The following GARIN5A variants were observed in gnomAD, a reference collection of about 807,000 sequenced individuals.
GARIN5A encodes the protein golgi associated RAB2 interactor 5A.
chr19:50,471,860 ATGTGTATATGTATGCATACATG>A, the GARIN5A span, among the ~76,000 whole-genome samples: 6 of 150,260 alleles, frequency 4.0e-5, no homozygotes, highest in African/African-American at 7.5e-5. Flanking sequence ...GCATACATAC[ATGTGTATATGTATGCATACATG>A]TGTGTATATG....
At chr19:50,471,754 A>ATG in the GARIN5A span, among the ~76,000 whole-genome samples, 1 of 79,664 alleles carries the variant, frequency 1.3e-5, no homozygotes, top group Non-Finnish European at 2.4e-5. Context: ...GCATACATGC[A>ATG]TGTGTATACG....
the GARIN5A span, among the ~76,000 whole-genome samples, chr19:50,472,260 T>C: frequency 2.9e-5 from 2 of 67,900 alleles, no homozygotes; most frequent in African/African-American, 1.2e-4. Context: ...TACATGTATG[T>C]GTGTATATAT....
the GARIN5A span, chr19:50,476,740 A>G: frequency 1.1e-6 from 1 of 890,320 alleles, no homozygotes; most frequent in South Asian, 1.8e-5. Flanking sequence ...TACAGACGGA[A>G]GGAGGCTGCG....
At chr19:50,476,644 A>G in the GARIN5A span, 1 of 1,539,064 alleles carries the variant, frequency 6.5e-7, no homozygotes, top group East Asian at 2.4e-5. Flanking sequence ...CCGGGCCGGG[A>G]CTGGTGCGCG....
At chr19:50,469,091 G>C in the GARIN5A span, among the ~76,000 whole-genome samples, 1 of 152,082 alleles carries the variant, frequency 6.6e-6, no homozygotes, top group African/African-American at 2.4e-5. Flanking sequence ...TGGCTCAACA[G>C]GAATAAACAC....
the GARIN5A span, among the ~76,000 whole-genome samples, chr19:50,471,080 T>G: frequency 6.6e-6 from 1 of 152,086 alleles, no homozygotes; most frequent in Non-Finnish European, 1.5e-5. Context: ...TCCTCCCACC[T>G]CAGCCTCCTA....
chr19:50,472,188 ATG>A, the GARIN5A span, among the ~76,000 whole-genome samples: 625 of 103,654 alleles, frequency 6.0e-3, 22 homozygotes, highest in African/African-American at 0.018. Flanking sequence ...GTATGTATAC[ATG>A]TATGTGTGCA....
the GARIN5A span, among the ~76,000 whole-genome samples, chr19:50,471,716 A>ATACGCATACATGCACGTGTGTGTG: frequency 6.8e-6 from 1 of 148,086 alleles, no homozygotes; most frequent in African/African-American, 2.6e-5. Context: ...ACGTGTGTGT[A>ATACGCATACATGCACGTGTGTGTG]TACGCATACA....
chr19:50,468,367 A>AC, the GARIN5A span, among the ~76,000 whole-genome samples: 1 of 147,778 alleles, frequency 6.8e-6, no homozygotes, highest in South Asian at 2.2e-4. Context: ...GTGTCTCAAA[A>AC]AAAAAAAAAA....
chr19:50,472,201 T>TAC, the GARIN5A span, among the ~76,000 whole-genome samples: 1 of 149,970 alleles, frequency 6.7e-6, no homozygotes, highest in Non-Finnish European at 1.5e-5. Context: ...TATGTGTGCA[T>TAC]GTATATACAT....
the GARIN5A span, chr19:50,476,646 T>G: frequency 6.5e-7 from 1 of 1,537,374 alleles, no homozygotes; most frequent in Non-Finnish European, 8.7e-7. Context: ...GGGCCGGGAC[T>G]GGTGCGCGAG....
chr19:50,476,151 C>T, the GARIN5A span: 1 of 1,613,630 alleles, frequency 6.2e-7, no homozygotes, highest in African/African-American at 1.3e-5. Flanking sequence ...CCTGGTTCCA[C>T]CTCGCCAGCT....
At chr19:50,467,647 G>T in the GARIN5A span, 1 of 1,573,114 alleles carries the variant, frequency 6.4e-7, no homozygotes, top group Non-Finnish European at 8.6e-7. Flanking sequence ...GAAGGGCACA[G>T]CAGAAGCAGA....
At chr19:50,476,664 T>G in the GARIN5A span, 1 of 1,510,924 alleles carries the variant, frequency 6.6e-7, no homozygotes, top group Non-Finnish European at 8.8e-7. Context: ...GAGGGGTGAG[T>G]GCTCTTTAGC....
chr19:50,467,907 C>A, the GARIN5A span: 1 of 1,252,756 alleles, frequency 8.0e-7, no homozygotes, highest in South Asian at 1.3e-5. Flanking sequence ...GGGTCCCCAC[C>A]TTGCCACCCC....
the GARIN5A span, among the ~76,000 whole-genome samples, chr19:50,472,191 T>TATGTATACGTGTGTATATGTATAC: frequency 2.1e-5 from 3 of 145,890 alleles, no homozygotes; most frequent in African/African-American, 8.2e-5. Context: ...TGTATACATG[T>TATGTATACGTGTGTATATGTATAC]ATGTGTGCAT....
the GARIN5A span, chr19:50,475,563 T>C: frequency 7.3e-6 from 8 of 1,093,422 alleles, no homozygotes; most frequent in African/African-American, 4.7e-5. Context: ...ACCAGGTGAG[T>C]TGAAAATCAG....
At chr19:50,476,653 C>G in the GARIN5A span, 4 of 1,526,878 alleles carry the variant, frequency 2.6e-6, no homozygotes, top group South Asian at 1.2e-5. Context: ...GACTGGTGCG[C>G]GAGGGGTGAG....
chr19:50,476,656 G>C, the GARIN5A span: 1 of 1,524,386 alleles, frequency 6.6e-7, no homozygotes, highest in South Asian at 1.2e-5. Flanking sequence ...TGGTGCGCGA[G>C]GGGTGAGTGC....
Sources: allele counts gnomAD v4.1 joint callset (sites outside exome capture counted in the v4.1 genomes callset), GRCh38; gene constraint gnomAD v4.1.1; transcripts MANE v1.5; gene names NCBI Gene and HGNC (gene_info 2026-07-23, HGNC 2026-07-21).